Variants in HMBOX1 observed in about 807,000 individuals in gnomAD.
The protein encoded by HMBOX1 is homeobox containing 1.
In HMBOX1, 14 loss-of-function variants were observed where a neutral mutation model predicts 54.5. The observed-to-expected ratio is 0.26, with a 90% CI of 0.17 to 0.40. The LOEUF (loss-of-function observed/expected upper bound fraction) is 0.40. HMBOX1 is among the 10% of genes least tolerant of loss of function. HMBOX1 has a pLI of 1.00. For synonymous variants in HMBOX1, 160 were observed against 181.0 expected (o/e 0.88, Z 0.93); for missense variants, 332 against 514.4 (o/e 0.65, Z 3.43).
At chr8:28,992,438 A>G (rs1470520475) in intron 4 of HMBOX1, among the ~76,000 whole-genome samples, 1 of 152,206 alleles carries the variant, frequency 6.6e-6, no homozygotes, top group Non-Finnish European at 1.5e-5. Flanking sequence ...CCTAAAGCTA[A>G]GTTTCCTGAG....
intron 3 of HMBOX1, among the ~76,000 whole-genome samples, chr8:28,975,599 G>A (rs1828232302): frequency 6.6e-6 from 1 of 152,152 alleles, no homozygotes; most frequent in Admixed American, 6.5e-5. Context: ...AAGGGAGTAG[G>A]AGGCAATGAC....
rs1158309724 is a variant in HMBOX1, at chr8:28,980,055, C to G, written c.501-16C>G. On this transcript the variant is annotated splice_polypyrimidine_tract_variant and intron_variant, in intron 3 of 9. Transcript: ENST00000287701. ...CTTCAACATACATTGTTGGTCTTGT[C>G]TTCTGTTTTTGTTAGGAGGGACAGC... 1 of 1,583,700 alleles carries G rather than the reference C, an allele frequency of 6.3e-7. No individual in the cohort carries two copies. Among genetic ancestry groups the G allele is most frequent in the Non-Finnish European group, 8.7e-7 (1 of 1,152,436 alleles).
intron 1 of HMBOX1, among the ~76,000 whole-genome samples, chr8:28,925,139 T>C (rs1439039956): frequency 6.6e-6 from 1 of 152,156 alleles, no homozygotes; most frequent in African/African-American, 2.4e-5. Context: ...AAGAATAATA[T>C]TATGTGACAT....
intron 8 of HMBOX1, 31 bp downstream of exon 8, chr8:29,047,484 G>T (rs1469654064): frequency 8.8e-7 from 1 of 1,140,726 alleles, no homozygotes; most frequent in Admixed American, 1.7e-5. Flanking sequence ...CTTTTCTCTT[G>T]TGCAGCAGTT....
At chr8:29,019,039 T>G in intron 6 of HMBOX1, 126 bp downstream of exon 6, 11 of 736,412 alleles carry the variant, frequency 1.5e-5, no homozygotes, top group Non-Finnish European at 2.2e-5. Flanking sequence ...TAAAAGTACT[T>G]TAGAATATCA....
rs541716467 is a variant in HMBOX1 at position 28,932,234 on chromosome 8, G to A, written c.-57-31577G>A. Among the ~76,000 whole-genome samples the A allele has an allele frequency of 2.6e-5, 4 of 152,318 alleles. No homozygotes were observed. In the South Asian group the frequency reaches 8.3e-4, roughly 32 times the overall value. ...GTGCCTAGGGAATGGTGAGTGAAGG[G>A]CAGATGCCAAATCTTATAAGGCAGT... On this transcript the variant is annotated intron_variant, in intron 1 of 9. Coordinates refer to ENST00000287701, the MANE Select transcript of HMBOX1 (RefSeq NM_001135726.3).
chr8:29,041,828 C>T (rs1021299244), intron 6 of HMBOX1, among the ~76,000 whole-genome samples: 1 of 151,898 alleles, frequency 6.6e-6, no homozygotes, highest in African/African-American at 2.4e-5. Flanking sequence ...TGCGGGGGGA[C>T]TTTGAACACC....
rs929253893 is a variant in HMBOX1 at position 29,052,516 on chromosome 8, G to A, written c.*1361G>A. On this transcript the variant is annotated 3_prime_UTR_variant, in exon 10 of 10. Coordinates refer to ENST00000287701, the MANE Select transcript of HMBOX1 (RefSeq NM_001135726.3). ...TGTAGCACTTTTGTTACTTTTTAAAGATATTTATATTTGATAAATCTTTTT... is the reference window on the plus strand; with the variant it reads ...TGTAGCACTTTTGTTACTTTTTAAAAATATTTATATTTGATAAATCTTTTT... 2.6e-5 allele frequency: 4 copies of A among 151,966 alleles called. No homozygotes were observed. The highest frequency in any genetic ancestry group is 9.7e-5 in the African/African-American group (4 of 41,342). The allele number at this position is 151,966 out of a possible 1,614,324, so 9.4% of individuals were successfully genotyped here.
chr8:29,044,764 A>G (rs1434386030), intron 6 of HMBOX1, among the ~76,000 whole-genome samples: 1 of 152,228 alleles, frequency 6.6e-6, no homozygotes, highest in African/African-American at 2.4e-5. Flanking sequence ...GAAATATGTC[A>G]TAAACATCCC....
chr8:28,942,692 C>T (rs1035073475), intron 1 of HMBOX1, among the ~76,000 whole-genome samples: 1 of 151,974 alleles, frequency 6.6e-6, no homozygotes, highest in South Asian at 2.1e-4. Context: ...TAGCACATAA[C>T]GAATTTTCTT....
intron 6 of HMBOX1, among the ~76,000 whole-genome samples, chr8:29,033,397 G>T (rs1803327761): frequency 6.6e-6 from 1 of 152,172 alleles, no homozygotes. Flanking sequence ...TAAATAGACA[G>T]CAGGAGCCTG....
At chr8:28,927,584 C>T (rs1471095800) in intron 1 of HMBOX1, among the ~76,000 whole-genome samples, 1 of 151,938 alleles carries the variant, frequency 6.6e-6, no homozygotes, top group Admixed American at 6.6e-5. Context: ...CTCACTCACT[C>T]CCTTGAGAAT....
intron 4 of HMBOX1, among the ~76,000 whole-genome samples, chr8:28,988,795 A>C (rs532873639): frequency 1.3e-5 from 2 of 152,124 alleles, no homozygotes; most frequent in Admixed American, 1.3e-4. Context: ...CTTATTTATT[A>C]TAAGAGCTTT....
chr8:28,978,592 G>A (rs1275819892), intron 3 of HMBOX1, among the ~76,000 whole-genome samples: 6 of 152,022 alleles, frequency 3.9e-5, no homozygotes, highest in Admixed American at 3.3e-4. Context: ...AGACCAGCCC[G>A]GCCAACCAAC....
At chr8:29,049,135 G>A in intron 9 of HMBOX1, 87 bp downstream of exon 9, 1 of 1,467,104 alleles carries the variant, frequency 6.8e-7, no homozygotes, top group Non-Finnish European at 9.5e-7. Flanking sequence ...GTGGCTGATG[G>A]GGTGGGGGAG....
intron 1 of HMBOX1, among the ~76,000 whole-genome samples, chr8:28,922,305 C>T (rs184235557): frequency 6.3e-4 from 96 of 152,256 alleles, no homozygotes; most frequent in African/African-American, 1.9e-3. Context: ...GCAAATGCTA[C>T]GCTATTTTAC....
At chr8:28,973,165 TGG>T (rs981208616) in intron 3 of HMBOX1, among the ~76,000 whole-genome samples, 1 of 152,174 alleles carries the variant, frequency 6.6e-6, no homozygotes, top group Non-Finnish European at 1.5e-5. Context: ...CTTGGATCAG[TGG>T]GAAAGTTTAT....
At position 28,970,585 on chromosome 8, in the gene HMBOX1, A is replaced by G. The variant is rs1827214009; in HGVS notation, c.500+66A>G. The G allele has an allele frequency of 3.9e-6, 4 of 1,021,662 alleles. No homozygotes were observed. Among genetic ancestry groups the G allele is most frequent in the Admixed American group, 2.3e-5 (1 of 43,920 alleles). The allele number at this position is 1,021,662 out of a possible 1,614,324, so 63.3% of individuals were successfully genotyped here. On this transcript the variant is annotated intron_variant, in intron 3 of 9. Coordinates refer to ENST00000287701, the MANE Select transcript of HMBOX1 (RefSeq NM_001135726.3). This position sits in a 1 kb window ranked among gnomAD's most constrained non-coding sequence, Gnocchi z 4.3. ...TATTCTTAGATTGTTTTTAAGTAGT[A>G]TGCTGCGTTTCAGCTACTTAGCTAT... is the stretch of plus-strand genomic sequence containing the variant.
chr8:29,002,151 G>A (rs1312789446), intron 4 of HMBOX1, among the ~76,000 whole-genome samples: 2 of 152,192 alleles, frequency 1.3e-5, no homozygotes, highest in East Asian at 3.9e-4. Context: ...GCTTAAATGA[G>A]ATTAGAAGAC....
Sources: gnomAD v4.1 joint callset for allele counts (sites outside exome capture counted in the v4.1 genomes callset) on GRCh38, gnomAD v4.1.1 for gene constraint, Gnocchi (gnomAD v3.1) non-coding constraint, MANE v1.5 for transcripts, NCBI Gene and HGNC (gene_info 2026-07-23, HGNC 2026-07-21) for gene names.